Variants in MRAP2 observed in about 807,000 individuals in gnomAD.
The protein encoded by MRAP2 is melanocortin-2 receptor accessory protein 2.
Under a neutral mutation model 17.4 loss-of-function variants are expected in MRAP2, and 20 were observed. That is an observed-to-expected ratio of 1.15 (90% CI 0.81 to 1.67). MRAP2 has a LOEUF of 1.67. MRAP2 is among the 40% of genes most tolerant of loss of function. The pLI is 0.00. For missense variants in MRAP2, 238 were observed against 240.0 expected (o/e 0.99, Z 0.05); for synonymous variants, 96 against 88.4 (o/e 1.09, Z -0.48).
At chr6:84,133,821 G>T in the MRAP2 span, among the ~76,000 whole-genome samples, 3 of 152,182 alleles carry the variant, frequency 2.0e-5, no homozygotes, top group Non-Finnish European at 2.9e-5. Context: ...CCTGGGTGAG[G>T]TGATGCCCTG....
the MRAP2 span, chr6:84,126,332 TTAAAAG>T: frequency 1.4e-6 from 2 of 1,406,838 alleles, no homozygotes; most frequent in Non-Finnish European, 1.9e-6. Context: ...TTAAAGGCAC[TTAAAAG>T]TAAAGACCTA....
chr6:84,059,554 G>C (rs1054319238), intron 2 of MRAP2, among the ~76,000 whole-genome samples: 4 of 152,148 alleles, frequency 2.6e-5, no homozygotes, highest in African/African-American at 9.7e-5. Flanking sequence ...AGTTAACCTA[G>C]TCCTACCCTA....
intron 3 of MRAP2, among the ~76,000 whole-genome samples, chr6:84,082,389 T>TTATA (rs1179260839): frequency 1.3e-5 from 2 of 152,240 alleles, no homozygotes; most frequent in Non-Finnish European, 2.9e-5. Flanking sequence ...TCCCATCTAA[T>TTATA]TATAGCCTTC....
chr6:84,116,681 TG>T, the MRAP2 span, among the ~76,000 whole-genome samples: 2 of 152,188 alleles, frequency 1.3e-5, no homozygotes, highest in African/African-American at 2.4e-5. Context: ...CCTAGTTTTT[TG>T]GGTTTTTGAC....
intron 3 of MRAP2, among the ~76,000 whole-genome samples, chr6:84,068,784 CTTTTTTTTTTTTTT>C (rs34220070): frequency 1.8e-5 from 1 of 55,198 alleles, no homozygotes; most frequent in Non-Finnish European, 3.2e-5. Context: ...TTGCTGAATT[CTTTTTTTTTTTTTT>C]TTTTTTTTTT....
chr6:84,051,678 A>G (rs1235576022), intron 1 of MRAP2, among the ~76,000 whole-genome samples: 2 of 152,216 alleles, frequency 1.3e-5, no homozygotes, highest in Non-Finnish European at 2.9e-5. Flanking sequence ...AACTGTGATC[A>G]TACCATCGCA....
At chr6:84,067,255 TCA>T (rs2099494980) in intron 3 of MRAP2, among the ~76,000 whole-genome samples, 1 of 152,200 alleles carries the variant, frequency 6.6e-6, no homozygotes, top group South Asian at 2.1e-4. Flanking sequence ...ACCATATATA[TCA>T]CAGTTTCTTT....
intron 1 of MRAP2, among the ~76,000 whole-genome samples, chr6:84,043,831 C>T (rs1639119197): frequency 6.6e-6 from 1 of 152,114 alleles, no homozygotes. Flanking sequence ...TTAAAATATC[C>T]TTGTTGATCT....
At chr6:84,094,577 C>A (rs1245448335), downstream of MRAP2, among the ~76,000 whole-genome samples, 1 of 152,178 alleles carries the variant, frequency 6.6e-6, no homozygotes, top group East Asian at 1.9e-4. Flanking sequence ...CAAGGATCTC[C>A]TTTTCTCCAG....
chr6:84,097,802 T>C, the MRAP2 span, among the ~76,000 whole-genome samples: 2 of 152,308 alleles, frequency 1.3e-5, no homozygotes, highest in South Asian at 4.1e-4. Flanking sequence ...TTGGCAGACA[T>C]TGTATATGAA....
downstream of MRAP2, among the ~76,000 whole-genome samples, chr6:84,092,490 A>C (rs1028117829): frequency 1.3e-5 from 2 of 152,166 alleles, no homozygotes; most frequent in Non-Finnish European, 2.9e-5. Flanking sequence ...TTAACCATCT[A>C]ATTTCAGTAT....
intron 3 of MRAP2, among the ~76,000 whole-genome samples, chr6:84,081,433 C>A (rs1429472377): frequency 3.3e-5 from 5 of 152,160 alleles, no homozygotes; most frequent in African/African-American, 1.2e-4. Context: ...TGGGAGGAAC[C>A]TGGTAGGAGG....
In MRAP2 at chr6:84,045,965, C is replaced by A. The variant is rs2099488913; in HGVS notation, c.-7-9347C>A. ...GACTTTCACTACATCCCTTCTGGTTCTTTTCCTTTGTTTGTAAAGGGGGTG... is the reference window on the plus strand; with the variant it reads ...GACTTTCACTACATCCCTTCTGGTTATTTTCCTTTGTTTGTAAAGGGGGTG... On this transcript the variant is annotated intron_variant, in intron 1 of 3. Transcript: ENST00000257776. Among the ~76,000 whole-genome samples, 3 of 152,250 alleles carry A rather than the reference C, an allele frequency of 2.0e-5. No individual in the cohort carries two copies. In the South Asian group the frequency reaches 6.2e-4, roughly 32 times the overall value.
intron 3 of MRAP2, among the ~76,000 whole-genome samples, chr6:84,066,925 T>C (rs2099494873): frequency 6.6e-6 from 1 of 152,120 alleles, no homozygotes; most frequent in Non-Finnish European, 1.5e-5. Context: ...GTACAGGTGG[T>C]ATTTGGTTAC....
At chr6:84,122,352 CAA>C in the MRAP2 span, among the ~76,000 whole-genome samples, 2,236 of 35,856 alleles carry the variant, frequency 0.062, 9 homozygotes, top group South Asian at 0.088. Context: ...ACAGCACATC[CAA>C]AAAAAAAAAA....
At chr6:84,061,250 C>T (rs995544039) in intron 2 of MRAP2, among the ~76,000 whole-genome samples, 2 of 152,298 alleles carry the variant, frequency 1.3e-5, no homozygotes, top group East Asian at 1.9e-4. Context: ...CATTTAAACA[C>T]ATTTAATATT....
chr6:84,106,320 A>G, the MRAP2 span, among the ~76,000 whole-genome samples: 1 of 152,228 alleles, frequency 6.6e-6, no homozygotes, highest in African/African-American at 2.4e-5. Flanking sequence ...GAAGCATTAC[A>G]TGCAGGAAAG....
chr6:84,099,110 T>A, the MRAP2 span, among the ~76,000 whole-genome samples: 22 of 151,800 alleles, frequency 1.4e-4, no homozygotes, highest in Non-Finnish European at 2.8e-4. Flanking sequence ...TGATTCATTT[T>A]GAGTTTTTTT....
At chr6:84,073,538 G>T (rs572234082) in intron 3 of MRAP2, among the ~76,000 whole-genome samples, 26 of 152,324 alleles carry the variant, frequency 1.7e-4, no homozygotes, top group African/African-American at 6.3e-4. Context: ...CTAAAATTCA[G>T]TGTGAGCCTC....
Sources: gnomAD v4.1 joint callset for allele counts (sites outside exome capture counted in the v4.1 genomes callset) on GRCh38, gnomAD v4.1.1 for gene constraint, MANE v1.5 for transcripts, NCBI Gene and HGNC (gene_info 2026-07-23, HGNC 2026-07-21) for gene names.